Variants in SGCZ observed in about 807,000 individuals in gnomAD.
SGCZ encodes zeta-sarcoglycan.
A neutral mutation model predicts 41.3 loss-of-function variants in SGCZ; 40 were observed. The observed-to-expected ratio is 0.97, with a 90% CI of 0.75 to 1.26. SGCZ has a LOEUF of 1.26. Among genes scored for constraint, SGCZ ranks in the 50% most tolerant of loss-of-function variants. The pLI, the probability that SGCZ is intolerant of heterozygous loss-of-function variation, is 0.00. For missense variants in SGCZ, 552 were observed against 369.8 expected (o/e 1.49, Z -4.04); for synonymous variants, 206 against 137.5 (o/e 1.50, Z -3.49).
chr8:14,838,701 A>T (rs1289586024), intron 1 of SGCZ, among the ~76,000 whole-genome samples: 1 of 152,054 alleles, frequency 6.6e-6, no homozygotes, highest in East Asian at 1.9e-4. Flanking sequence ...TCCCTGTGAC[A>T]CGGCTTGGTG....
chr8:14,888,600 G>C (rs1804897094), intron 1 of SGCZ, among the ~76,000 whole-genome samples: 1 of 152,086 alleles, frequency 6.6e-6, no homozygotes. Flanking sequence ...AAAATCCTTA[G>C]AAATCATTAA....
intron 1 of SGCZ, among the ~76,000 whole-genome samples, chr8:15,003,294 C>A (rs776628016): frequency 2.0e-5 from 3 of 152,200 alleles, no homozygotes; most frequent in Non-Finnish European, 2.9e-5. Context: ...AGAATGAGAA[C>A]TGAGTGGAAC....
chr8:14,578,318 AG>A (rs1472447670), intron 1 of SGCZ, among the ~76,000 whole-genome samples: 9 of 152,152 alleles, frequency 5.9e-5, no homozygotes, highest in Non-Finnish European at 1.3e-4. Context: ...TCCCTAGAAA[AG>A]AAGTCAGAGT....
chr8:15,166,540 G>A (rs1284600264), intron 1 of SGCZ, among the ~76,000 whole-genome samples: 11 of 152,112 alleles, frequency 7.2e-5, no homozygotes, highest in East Asian at 3.9e-4. Flanking sequence ...GAGCCACCAC[G>A]CCTGGCCGAT....
Position 15,135,823 on chromosome 8 carries a change from C to T in SGCZ, c.39+101762G>A, listed in dbSNP as rs114352494. Among the ~76,000 whole-genome samples, 676 of 152,242 alleles carry T rather than the reference C, an allele frequency of 4.4e-3. 7 individuals carry two copies. The highest frequency in any genetic ancestry group is 0.015 in the African/African-American group (643 of 41,566). On this transcript the variant is annotated intron_variant, in intron 1 of 7. Coordinates refer to ENST00000382080, the MANE Select transcript of SGCZ (RefSeq NM_139167.4). ...CAACTTTTATTGAAGTGGTACTGAC[C>T]AGCAGCAGCAGAGGGATTGCTCCTT... is the stretch of plus-strand genomic sequence containing the variant.
At chr8:14,312,918 A>G (rs1183951937) in intron 3 of SGCZ, among the ~76,000 whole-genome samples, 2 of 152,162 alleles carry the variant, frequency 1.3e-5, no homozygotes, top group Non-Finnish European at 2.9e-5. Flanking sequence ...CAGGAATAAT[A>G]ATAGAATTCT....
chr8:14,634,281 C>A (rs1208617088), intron 1 of SGCZ, among the ~76,000 whole-genome samples: 1 of 151,706 alleles, frequency 6.6e-6, no homozygotes, highest in African/African-American at 2.4e-5. Context: ...GGGAAAACAG[C>A]ATTCTTTGTT....
At chr8:14,173,267 C>T (rs1004770885) in intron 4 of SGCZ, among the ~76,000 whole-genome samples, 3 of 151,338 alleles carry the variant, frequency 2.0e-5, no homozygotes, top group Admixed American at 6.6e-5. Flanking sequence ...GAAAAATCAG[C>T]AATAGAATGG....
chr8:14,776,705 G>C (rs934605739), intron 1 of SGCZ, among the ~76,000 whole-genome samples: 3 of 151,666 alleles, frequency 2.0e-5, no homozygotes, highest in African/African-American at 7.3e-5. Flanking sequence ...GTGTTAGCCA[G>C]GATGGTCTCC....
At chr8:14,241,927 T>C (rs1322689698) in intron 3 of SGCZ, among the ~76,000 whole-genome samples, 1 of 152,248 alleles carries the variant, frequency 6.6e-6, no homozygotes, top group South Asian at 2.1e-4. Context: ...TTTTTTCTTT[T>C]TATTTCTATT....
intron 1 of SGCZ, among the ~76,000 whole-genome samples, chr8:14,621,401 C>G (rs942760842): frequency 2.6e-4 from 39 of 150,618 alleles, no homozygotes; most frequent in Non-Finnish European, 5.2e-4. Flanking sequence ...CAAACCTGCA[C>G]GTTGTGCACA....
At chr8:14,321,269 G>A (rs539584322) in intron 3 of SGCZ, among the ~76,000 whole-genome samples, 1 of 151,968 alleles carries the variant, frequency 6.6e-6, no homozygotes, top group Admixed American at 6.6e-5. Flanking sequence ...ACTATGATAT[G>A]TTTTTCTGTT....
At chr8:14,791,110 C>G (rs1800937886) in intron 1 of SGCZ, among the ~76,000 whole-genome samples, 1 of 151,738 alleles carries the variant, frequency 6.6e-6, no homozygotes, top group South Asian at 2.1e-4. Flanking sequence ...TAACAAAAAT[C>G]TCTGAGTGAT....
chr8:15,059,192 G>T (rs746453966), intron 1 of SGCZ, among the ~76,000 whole-genome samples: 1 of 151,886 alleles, frequency 6.6e-6, no homozygotes, highest in Non-Finnish European at 1.5e-5. Flanking sequence ...AGATATTCTC[G>T]ATTAAAATTT....
At chr8:14,350,533 G>C (rs1803051942) in intron 2 of SGCZ, among the ~76,000 whole-genome samples, 1 of 152,026 alleles carries the variant, frequency 6.6e-6, no homozygotes. Context: ...CTGAAGATGT[G>C]ATACCCCATC....
At chr8:14,683,379 A>G (rs1363633296) in intron 1 of SGCZ, among the ~76,000 whole-genome samples, 2 of 152,162 alleles carry the variant, frequency 1.3e-5, no homozygotes, top group African/African-American at 4.8e-5. Context: ...AAACATTCAG[A>G]AGCAATATAT....
intron 1 of SGCZ, among the ~76,000 whole-genome samples, chr8:15,138,534 G>A (rs774332727): frequency 6.6e-6 from 1 of 152,094 alleles, no homozygotes; most frequent in African/African-American, 2.4e-5. Flanking sequence ...GGAAGTAACT[G>A]AAGCATGAGG....
At chr8:14,282,754 C>T (rs1033775882) in intron 3 of SGCZ, among the ~76,000 whole-genome samples, 2 of 152,040 alleles carry the variant, frequency 1.3e-5, no homozygotes, top group East Asian at 1.9e-4. Context: ...CTTTCATCCC[C>T]TTTCCCCACC....
At chr8:14,160,981 T>C (rs1804028247) in intron 5 of SGCZ, among the ~76,000 whole-genome samples, 1 of 152,234 alleles carries the variant, frequency 6.6e-6, no homozygotes, top group African/African-American at 2.4e-5. Flanking sequence ...TTAATTCCTA[T>C]AAATATTGCT....
Sources: allele counts gnomAD v4.1 joint callset (sites outside exome capture counted in the v4.1 genomes callset), GRCh38; gene constraint gnomAD v4.1.1; transcripts MANE v1.5; gene names NCBI Gene and HGNC (gene_info 2026-07-23, HGNC 2026-07-21).